KCNH5: variants seen among roughly 807,000 people sequenced by gnomAD.
The protein encoded by KCNH5 is voltage-gated delayed rectifier potassium channel KCNH5.
Under a neutral mutation model 96.1 loss-of-function variants are expected in KCNH5, and 46 were observed. That is an observed-to-expected ratio of 0.48 (90% CI 0.38 to 0.61). KCNH5 has a LOEUF of 0.61. Ranked by LOEUF, KCNH5 falls within the 20% of genes least tolerant of loss-of-function variation. KCNH5 has a pLI of 0.00. For missense variants in KCNH5, 907 were observed against 1,225.8 expected (o/e 0.74, Z 3.88); for synonymous variants, 439 against 449.8 (o/e 0.98, Z 0.30).
At position 62,718,140 on chromosome 14, in the gene KCNH5, A is replaced by G. The variant is rs1431188562; in HGVS notation, c.2020-9685T>C. Among the ~76,000 whole-genome samples, 3 of 152,252 alleles carry G rather than the reference A, an allele frequency of 2.0e-5. No homozygotes were observed. The East Asian group carries it at 5.8e-4, about 29-fold the overall frequency. On this transcript the variant is annotated intron_variant, in intron 10 of 10. Transcript: ENST00000322893. ...AAGAGAGAAGGGAGGCAAGGGGGCAAGGGTTAAAAAATTAATTATTGTGTG... is the reference window on the plus strand; with the variant it reads ...AAGAGAGAAGGGAGGCAAGGGGGCAGGGGTTAAAAAATTAATTATTGTGTG...
At chr14:62,978,238 G>A (rs921799107) in intron 6 of KCNH5, among the ~76,000 whole-genome samples, 2 of 152,176 alleles carry the variant, frequency 1.3e-5, no homozygotes, top group Non-Finnish European at 2.9e-5. Flanking sequence ...CTACCACTGT[G>A]AGATCACCAA....
At position 62,844,959 on chromosome 14, in the gene KCNH5, C is replaced by A. The variant is rs568565239; in HGVS notation, c.1569+4694G>T. On this transcript the variant is annotated intron_variant, in intron 8 of 10. Coordinates refer to ENST00000322893, the MANE Select transcript of KCNH5 (RefSeq NM_139318.5). Reference sequence around the variant, plus strand: ...TTTTCTCTAATTAGCTTCAATGAATCATTAAATTTCTTTGTACAAGCAATT... The same window carrying A: ...TTTTCTCTAATTAGCTTCAATGAATAATTAAATTTCTTTGTACAAGCAATT... Among the ~76,000 whole-genome samples, 1,258 of 152,180 alleles carry A rather than the reference C, an allele frequency of 8.3e-3. 13 individuals carry two copies. Among genetic ancestry groups the A allele is most frequent in the Middle Eastern group, 0.041 (12 of 294 alleles).
chr14:62,865,801 T>C (rs937078726), intron 7 of KCNH5, among the ~76,000 whole-genome samples: 1 of 152,224 alleles, frequency 6.6e-6, no homozygotes, highest in Non-Finnish European at 1.5e-5. Flanking sequence ...ACCTTGTGCA[T>C]TGCTTAGAGC....
intron 6 of KCNH5, among the ~76,000 whole-genome samples, chr14:62,970,224 T>C (rs1432266424): frequency 6.6e-6 from 1 of 151,810 alleles, no homozygotes; most frequent in African/African-American, 2.4e-5. Flanking sequence ...TGCCCACAGA[T>C]TTGATAAATC....
intron 7 of KCNH5, among the ~76,000 whole-genome samples, chr14:62,876,363 T>C (rs1888372372): frequency 6.6e-6 from 1 of 152,126 alleles, no homozygotes; most frequent in South Asian, 2.1e-4. Flanking sequence ...TCCAGTGCAA[T>C]AATGCAGGAA....
intron 7 of KCNH5, among the ~76,000 whole-genome samples, chr14:62,877,554 C>G (rs1478168697): frequency 6.6e-6 from 1 of 152,202 alleles, no homozygotes; most frequent in Non-Finnish European, 1.5e-5. Flanking sequence ...AGACATTTCT[C>G]AAAACAAGAC....
At chr14:62,840,006 T>C (rs10047810) in intron 8 of KCNH5, among the ~76,000 whole-genome samples, 61,991 of 151,904 alleles carry the variant, frequency 0.41, 13,039 homozygotes, top group South Asian at 0.58. Context: ...TAAAATCATA[T>C]GTTTATCAGG....
intron 10 of KCNH5, among the ~76,000 whole-genome samples, chr14:62,729,108 C>A (rs1325917906): frequency 6.6e-6 from 1 of 152,208 alleles, no homozygotes; most frequent in Non-Finnish European, 1.5e-5. Flanking sequence ...AACCCCCACA[C>A]TCTCCTAGCT....
chr14:63,040,410 C>A (rs1275007025), intron 1 of KCNH5, among the ~76,000 whole-genome samples: 1 of 152,050 alleles, frequency 6.6e-6, no homozygotes, highest in Non-Finnish European at 1.5e-5. Context: ...AAGGGACAAT[C>A]TTGTGGCTTA....
intron 7 of KCNH5, among the ~76,000 whole-genome samples, chr14:62,903,254 T>G (rs1566701747): frequency 6.6e-6 from 1 of 152,120 alleles, no homozygotes; most frequent in Non-Finnish European, 1.5e-5. Context: ...ACCACAACCT[T>G]CACCACTACC....
At chr14:62,988,213 T>C (rs1382537453) in intron 4 of KCNH5, among the ~76,000 whole-genome samples, 4 of 152,106 alleles carry the variant, frequency 2.6e-5, no homozygotes, top group Non-Finnish European at 5.9e-5. Flanking sequence ...ATCCTTTCCC[T>C]AGATATCTCA....
chr14:62,776,707 T>A (rs1294494093), intron 10 of KCNH5, among the ~76,000 whole-genome samples: 1 of 152,228 alleles, frequency 6.6e-6, no homozygotes, highest in African/African-American at 2.4e-5. Context: ...ATTCGTCAAT[T>A]CGTAGAATTT....
At chr14:62,900,412 T>C (rs924751192) in intron 7 of KCNH5, among the ~76,000 whole-genome samples, 1 of 152,212 alleles carries the variant, frequency 6.6e-6, no homozygotes, top group African/African-American at 2.4e-5. Flanking sequence ...ACAAGAAGAA[T>C]ATATGGCAAA....
intron 7 of KCNH5, among the ~76,000 whole-genome samples, chr14:62,948,654 T>C (rs564359460): frequency 6.6e-6 from 1 of 151,018 alleles, no homozygotes; most frequent in Admixed American, 6.6e-5. Context: ...CCCTAACTAA[T>C]TTTATGAGGC....
intron 7 of KCNH5, among the ~76,000 whole-genome samples, chr14:62,871,581 A>G (rs1006506292): frequency 6.6e-6 from 1 of 152,188 alleles, no homozygotes; most frequent in Admixed American, 6.5e-5. Flanking sequence ...GAAATTTAGG[A>G]TGTAGTTCTG....
intron 4 of KCNH5, among the ~76,000 whole-genome samples, chr14:62,995,354 T>A (rs1188027510): frequency 6.6e-6 from 1 of 152,124 alleles, no homozygotes; most frequent in Non-Finnish European, 1.5e-5. Context: ...GCTAAAACAC[T>A]ATTTCTTGTA....
intron 7 of KCNH5, among the ~76,000 whole-genome samples, chr14:62,868,147 G>A (rs1888172878): frequency 6.6e-6 from 1 of 152,192 alleles, no homozygotes; most frequent in African/African-American, 2.4e-5. Flanking sequence ...TCTATGCCTG[G>A]AAGGCACTTT....
intron 10 of KCNH5, among the ~76,000 whole-genome samples, chr14:62,747,732 T>G (rs181325118): frequency 1.3e-5 from 2 of 152,196 alleles, no homozygotes; most frequent in Non-Finnish European, 2.9e-5. Flanking sequence ...TGACTTAACA[T>G]CACAACCCCT....
At chr14:62,799,726 T>TATATACAC (rs1213484157) in intron 9 of KCNH5, among the ~76,000 whole-genome samples, 806 of 68,494 alleles carry the variant, frequency 0.012, 19 homozygotes, top group East Asian at 0.037. Flanking sequence ...TATATATATA[T>TATATACAC]ACACACACAC....
Sources: allele counts gnomAD v4.1 joint callset (sites outside exome capture counted in the v4.1 genomes callset), GRCh38; gene constraint gnomAD v4.1.1; transcripts MANE v1.5; gene names NCBI Gene and HGNC (gene_info 2026-07-23, HGNC 2026-07-21).